BZW2: variants seen among roughly 807,000 people sequenced by gnomAD.
BZW2 encodes the protein eIF5-mimic protein 1.
BZW2 carries 23 observed loss-of-function variants against 53.2 expected under a neutral mutation model. The observed-to-expected ratio is 0.43, with a 90% confidence interval of 0.31 to 0.61. The LOEUF (loss-of-function observed/expected upper bound fraction) is 0.61, where lower values mean the gene tolerates loss of function less well. BZW2 is among the 20% of genes least tolerant of loss of function. BZW2 has a pLI of 0.09. For synonymous variants in BZW2, 227 were observed against 186.4 expected (o/e 1.22, Z -1.77); for missense variants, 409 against 503.1 (o/e 0.81, Z 1.79).
At chr7:16,676,992 T>C (rs1782784890) in intron 3 of BZW2, among the ~76,000 whole-genome samples, 1 of 152,098 alleles carries the variant, frequency 6.6e-6, no homozygotes, top group Non-Finnish European at 1.5e-5. Flanking sequence ...TAATTTGTGT[T>C]GAGTTTCTTA....
At chr7:16,658,782 G>A (rs1583702799) in intron 1 of BZW2, among the ~76,000 whole-genome samples, 1 of 151,920 alleles carries the variant, frequency 6.6e-6, no homozygotes. Context: ...GGCTGAGGCA[G>A]GAGAATCACT....
At chr7:16,679,281 A>G (rs1469390357) in intron 3 of BZW2, among the ~76,000 whole-genome samples, 1 of 152,220 alleles carries the variant, frequency 6.6e-6, no homozygotes, top group Non-Finnish European at 1.5e-5. Context: ...AGAAATTATA[A>G]AAGTATTAAT....
At chr7:16,664,661 G>A (rs1468806970) in intron 1 of BZW2, among the ~76,000 whole-genome samples, 2 of 152,192 alleles carry the variant, frequency 1.3e-5, no homozygotes, top group East Asian at 1.9e-4. Flanking sequence ...ATAAAGCTTC[G>A]TGGTGTTCCA....
chr7:16,685,987 C>A lies in BZW2; in HGVS notation c.488C>A (p.Thr163Asn), dbSNP rs374366357. ...MLSGILLGNG[T>N]LPATILTSLF... ...TCGGGGATTCTGCTGGGCAATGGCACCCTGCCCGCCACCATCCTCACCAGT... is the reference window on the plus strand; with the variant it reads ...TCGGGGATTCTGCTGGGCAATGGCAACCTGCCCGCCACCATCCTCACCAGT... Residue 163 changes from threonine to asparagine, a missense_variant, in exon 6 of 12, where the codon ACC becomes AAC. Thr to Asn is a moderately conservative substitution (Grantham distance 65). Coordinates refer to ENST00000258761, the MANE Select transcript of BZW2 (RefSeq NM_014038.3). The A allele has an allele frequency of 1.2e-6, 2 of 1,603,134 alleles. No homozygotes were observed. Among genetic ancestry groups the A allele is most frequent in the Non-Finnish European group, 1.7e-6 (2 of 1,175,648 alleles).
intron 8 of BZW2, 70 bp from the exon 9 acceptor site, chr7:16,696,845 G>A (rs994659293): frequency 1.3e-4 from 191 of 1,526,226 alleles, no homozygotes; most frequent in Non-Finnish European, 1.7e-4. Flanking sequence ...TGATTGACTG[G>A]GCAGCTAGCG....
chr7:16,655,568 A>C (rs1273925170), intron 1 of BZW2, among the ~76,000 whole-genome samples: 1 of 152,162 alleles, frequency 6.6e-6, no homozygotes, highest in African/African-American at 2.4e-5. Context: ...AGTATATGAT[A>C]CATTATTGTT....
Position 16,653,891 on chromosome 7 carries a change from T to G in BZW2, c.-8+7603T>G, listed in dbSNP as rs140281520. On this transcript the variant is annotated intron_variant, in intron 1 of 11. Transcript: ENST00000258761. ...GTGTTGGGGTTTTTTGTTTGTTTGATTTTGTTTTGTTTTTGCCATCAGTGT... is the reference window on the plus strand; with the variant it reads ...GTGTTGGGGTTTTTTGTTTGTTTGAGTTTGTTTTGTTTTTGCCATCAGTGT... Among the ~76,000 whole-genome samples, 1,383 of 152,044 alleles carry G rather than the reference T, an allele frequency of 9.1e-3. 13 individuals carry two copies. Among genetic ancestry groups the G allele is most frequent in the Middle Eastern group, 0.027 (8 of 292 alleles).
intron 6 of BZW2, 97 bp from the exon 7 acceptor site, chr7:16,689,700 A>T: frequency 1.1e-6 from 1 of 924,992 alleles, no homozygotes; most frequent in South Asian, 2.1e-5. Context: ...TTAGTCTTTT[A>T]GTTATTTACA....
chr7:16,682,512 ATTTAT>A (rs1431010389), intron 4 of BZW2, among the ~76,000 whole-genome samples: 3 of 152,110 alleles, frequency 2.0e-5, no homozygotes, highest in Non-Finnish European at 4.4e-5. Flanking sequence ...TAAAAATCAC[ATTTAT>A]TTTATTTTCG....
At chr7:16,674,145 C>G (rs1223841999) in intron 2 of BZW2, among the ~76,000 whole-genome samples, 1 of 152,222 alleles carries the variant, frequency 6.6e-6, no homozygotes, top group Non-Finnish European at 1.5e-5. Flanking sequence ...GGTGATCCAC[C>G]TGCCTTGGCC....
At chr7:16,693,547 TA>T (rs1173254400) in intron 7 of BZW2, among the ~76,000 whole-genome samples, 64 of 152,326 alleles carry the variant, frequency 4.2e-4, no homozygotes, top group Non-Finnish European at 1.5e-5. Flanking sequence ...TTTGGTGGCA[TA>T]AATTGGGTCA....
chr7:16,651,057 A>G (rs1004079652), intron 1 of BZW2, among the ~76,000 whole-genome samples: 3 of 152,232 alleles, frequency 2.0e-5, no homozygotes, highest in Non-Finnish European at 2.9e-5. Context: ...GTATAATGAC[A>G]AAAAGAAAGA....
intron 7 of BZW2, among the ~76,000 whole-genome samples, chr7:16,691,014 T>G (rs1320929649): frequency 6.6e-6 from 1 of 152,252 alleles, no homozygotes; most frequent in Admixed American, 6.5e-5. Context: ...TAAGACTATC[T>G]CTTTTCCTCA....
In BZW2 at chr7:16,665,507, TTGTGTG is replaced by T. The variant is rs71848458; in HGVS notation, c.58+24_58+29del. On this transcript the variant is annotated splice_region_variant and intron_variant, in intron 2 of 11. Transcript: ENST00000258761. ...GTTCAAAACTCGGAAAAGGGGTAGG[TTGTGTG>T]TGTGTGTGTGTGTGTGTTTAAAGTT... 2.9e-5 allele frequency: 45 copies of T among 1,548,284 alleles called. No individual in the cohort carries two copies. The highest frequency in any genetic ancestry group is 1.7e-4 in the Middle Eastern group (1 of 5,902).
intron 2 of BZW2, among the ~76,000 whole-genome samples, chr7:16,666,391 T>C (rs1280707878): frequency 7.4e-6 from 1 of 135,284 alleles, no homozygotes; most frequent in Non-Finnish European, 1.7e-5. Context: ...TAAAAGACTT[T>C]TATTTATTTA....
At chr7:16,678,315 G>A (rs556132855) in intron 3 of BZW2, among the ~76,000 whole-genome samples, 4 of 151,694 alleles carry the variant, frequency 2.6e-5, no homozygotes, top group Admixed American at 2.0e-4. Context: ...AAAGTGCTGG[G>A]ATTACAAGCA....
chr7:16,696,154 TTAC>T (rs1164002737), intron 8 of BZW2: 1 of 152,192 alleles, frequency 6.6e-6, no homozygotes, highest in Admixed American at 6.5e-5. Flanking sequence ...AAAAAAGGTG[TTAC>T]TACTACTCAC....
intron 6 of BZW2, chr7:16,688,719 CAT>C (rs1783207345): frequency 6.6e-6 from 1 of 152,162 alleles, no homozygotes; most frequent in Non-Finnish European, 1.5e-5. Context: ...ATAACCGCAA[CAT>C]AAATTTAGAA....
In BZW2 at chr7:16,667,287, A is replaced by C. The variant is rs139034016; in HGVS notation, c.58+1786A>C. ...CGAGTGAAGCTCCATCTCAAAAAAA[A>C]AAAAACAAAAAAAAAAACGCTGAAC... On this transcript the variant is annotated intron_variant, in intron 2 of 11. Transcript: ENST00000258761. 8.1e-3 allele frequency among the ~76,000 whole-genome samples: 1,232 copies of C among 152,014 alleles called. 16 individuals are homozygous for C. The highest frequency in any genetic ancestry group is 0.024 in the African/African-American group (1,003 of 41,390).
Sources: gnomAD v4.1 joint callset for allele counts (sites outside exome capture counted in the v4.1 genomes callset) on GRCh38, gnomAD v4.1.1 for gene constraint, MANE v1.5 for transcripts, NCBI Gene and HGNC (gene_info 2026-07-23, HGNC 2026-07-21) for gene names.